The following ZRANB3 variants were observed in gnomAD, a reference collection of about 807,000 sequenced individuals.
ZRANB3 encodes the protein DNA annealing helicase and endonuclease ZRANB3.
Under a neutral mutation model 133.8 loss-of-function variants are expected in ZRANB3, and 125 were observed. That is an observed-to-expected ratio of 0.93 (90% CI 0.81 to 1.08). ZRANB3 has a LOEUF of 1.08. Among genes scored for constraint, ZRANB3 ranks in the 50% least tolerant of loss-of-function variants. The pLI is 0.00. For synonymous variants in ZRANB3, 387 were observed against 432.7 expected (o/e 0.89, Z 1.31); for missense variants, 1,229 against 1,275.5 (o/e 0.96, Z 0.56).
Position 135,350,151 on chromosome 2 carries a change from A to G in ZRANB3, c.424T>C (p.Leu142=), listed in dbSNP as rs1397095886. 2 of 1,612,680 alleles carry G rather than the reference A, an allele frequency of 1.2e-6. No homozygotes were observed. Among genetic ancestry groups the G allele is most frequent in the East Asian group, 2.2e-5 (1 of 44,870 alleles). The part of the protein sequence containing the change: ...YGLLTADAKT[L]IDALNNQNFK... ...TTCTGATTATTCAGTGCATCTATCA[A>G]AGTCTTTGCATCTGCGGTTAAGAGA... Residue 142 remains leucine, a synonymous_variant, in exon 5 of 21, where the codon TTG becomes CTG. Transcript: ENST00000264159.
chr2:135,467,462 T>C (rs889864403), intron 2 of ZRANB3, among the ~76,000 whole-genome samples: 9 of 152,188 alleles, frequency 5.9e-5, no homozygotes, highest in African/African-American at 2.2e-4. Flanking sequence ...AATACAAACC[T>C]TAACTCTTCA....
At chr2:135,388,885 T>C (rs1377899148) in intron 3 of ZRANB3, among the ~76,000 whole-genome samples, 1 of 152,140 alleles carries the variant, frequency 6.6e-6, no homozygotes, top group Non-Finnish European at 1.5e-5. Context: ...GAGACCATTC[T>C]GGCTAACACA....
intron 3 of ZRANB3, among the ~76,000 whole-genome samples, chr2:135,377,099 C>T (rs1337661131): frequency 6.6e-6 from 1 of 152,158 alleles, no homozygotes; most frequent in Non-Finnish European, 1.5e-5. Flanking sequence ...TTCATGTATA[C>T]TGGAAATCAG....
At chr2:135,268,919 A>C (rs2105116780) in intron 11 of ZRANB3, 43 bp downstream of exon 11, 1 of 1,555,222 alleles carries the variant, frequency 6.4e-7, no homozygotes, top group Non-Finnish European at 8.7e-7. Flanking sequence ...GGCTATGGTT[A>C]ATAGTAAGTA....
intron 8 of ZRANB3, 117 bp downstream of exon 8, chr2:135,313,372 A>G: frequency 1.7e-6 from 1 of 576,490 alleles, no homozygotes; most frequent in East Asian, 3.1e-5. Flanking sequence ...AAAAAAAAAG[A>G]GTTAAACAAT....
intron 3 of ZRANB3, among the ~76,000 whole-genome samples, chr2:135,386,125 A>T (rs561156824): frequency 2.6e-5 from 4 of 152,172 alleles, no homozygotes; most frequent in Admixed American, 6.5e-5. Context: ...GAATCTACAG[A>T]GAACTCAAAC....
chr2:135,288,199 T>A (rs918777225), intron 8 of ZRANB3, among the ~76,000 whole-genome samples: 2 of 152,202 alleles, frequency 1.3e-5, no homozygotes, highest in African/African-American at 4.8e-5. Context: ...ATCATGTAAT[T>A]TTTGTTTTTA....
chr2:135,401,174 G>T (rs1423856816), intron 2 of ZRANB3, among the ~76,000 whole-genome samples: 1 of 152,134 alleles, frequency 6.6e-6, no homozygotes. Context: ...ACACATAGGG[G>T]TGCATGCACG....
chr2:135,226,342 G>A lies in ZRANB3; in HGVS notation c.2158+1470C>T, dbSNP rs114946206. On this transcript the variant is annotated intron_variant, in intron 14 of 20. Transcript: ENST00000264159. ...GTTCTAGAGTAGTATGTACCACTCT[G>A]GTTCTAAAAGAGCATATGTAGGTAG... 3.0e-3 allele frequency among the ~76,000 whole-genome samples: 453 copies of A among 152,250 alleles called. 2 individuals are homozygous for A. The highest frequency in any genetic ancestry group is 0.01 in the African/African-American group (429 of 41,554).
rs571087060 is a variant in ZRANB3, at chr2:135,342,869, C to A, written c.677+2681G>T. 1.4e-4 allele frequency among the ~76,000 whole-genome samples: 21 copies of A among 148,568 alleles called. 1 individual carries two copies. Among genetic ancestry groups the A allele is most frequent in the African/African-American group, 5.5e-4 (21 of 38,386 alleles). On this transcript the variant is annotated intron_variant, in intron 6 of 20. Transcript: ENST00000264159. ...CCCTAAATTTATTAAAAACTGTAAT[C>A]AAGGGTAAATGTTGGCTGGGCATGG...
chr2:135,299,556 T>G (rs1682332612), intron 8 of ZRANB3, among the ~76,000 whole-genome samples: 1 of 152,208 alleles, frequency 6.6e-6, no homozygotes, highest in African/African-American at 2.4e-5. Context: ...TCCTTCTCCT[T>G]GTGGCCCTTT....
intron 2 of ZRANB3, among the ~76,000 whole-genome samples, chr2:135,395,943 A>C (rs1433387375): frequency 6.6e-6 from 1 of 152,218 alleles, no homozygotes; most frequent in African/African-American, 2.4e-5. Context: ...AATAACCAGA[A>C]TAAAGAAGAA....
At chr2:135,409,305 T>C (rs971530939) in intron 2 of ZRANB3, among the ~76,000 whole-genome samples, 4 of 152,114 alleles carry the variant, frequency 2.6e-5, no homozygotes, top group African/African-American at 9.7e-5. Context: ...AACTCCAACA[T>C]TGGGGATTAC....
intron 17 of ZRANB3, among the ~76,000 whole-genome samples, chr2:135,216,222 C>G (rs1029817564): frequency 1.3e-5 from 2 of 151,978 alleles, no homozygotes; most frequent in East Asian, 3.9e-4. Flanking sequence ...ATGGAACTAT[C>G]ATAATTTATT....
chr2:135,365,229 T>A (rs1284832697), intron 3 of ZRANB3, among the ~76,000 whole-genome samples: 2 of 152,174 alleles, frequency 1.3e-5, no homozygotes, highest in African/African-American at 4.8e-5. Context: ...ATTGCACCAC[T>A]GCACTCCAGC....
chr2:135,248,326 A>G (rs763686767), intron 12 of ZRANB3, among the ~76,000 whole-genome samples: 1 of 152,208 alleles, frequency 6.6e-6, no homozygotes, highest in Non-Finnish European at 1.5e-5. Flanking sequence ...CCAAAAGTAT[A>G]AAAGCCCTGG....
chr2:135,395,242 C>T (rs892129802), intron 2 of ZRANB3, among the ~76,000 whole-genome samples: 1 of 152,000 alleles, frequency 6.6e-6, no homozygotes, highest in East Asian at 1.9e-4. Context: ...GAAACATACA[C>T]TGGGAGAAAG....
chr2:135,444,228 T>C (rs1194473511), intron 2 of ZRANB3, among the ~76,000 whole-genome samples: 1 of 152,160 alleles, frequency 6.6e-6, no homozygotes, highest in Non-Finnish European at 1.5e-5. Context: ...TAGGAGGTTA[T>C]ATAATATATA....
At chr2:135,310,909 A>G (rs1682936472) in intron 8 of ZRANB3, among the ~76,000 whole-genome samples, 1 of 151,862 alleles carries the variant, frequency 6.6e-6, no homozygotes, top group South Asian at 2.1e-4. Context: ...AAAATATAAG[A>G]GGGTATCTTT....
Sources: allele counts gnomAD v4.1 joint callset (sites outside exome capture counted in the v4.1 genomes callset), GRCh38; gene constraint gnomAD v4.1.1; transcripts MANE v1.5; gene names NCBI Gene and HGNC (gene_info 2026-07-23, HGNC 2026-07-21).